TOM1L1: variants seen among roughly 807,000 people sequenced by gnomAD.
TOM1L1 encodes target of myb1 like 1 membrane trafficking protein.
A neutral mutation model predicts 63.4 loss-of-function variants in TOM1L1; 64 were observed. The observed-to-expected ratio is 1.01, with a 90% CI of 0.83 to 1.24. The LOEUF is 1.24. Ranked by LOEUF, TOM1L1 falls within the 50% of genes most tolerant of loss-of-function variation. The pLI is 0.00. For synonymous variants in TOM1L1, 166 were observed against 194.4 expected, an observed-to-expected ratio of 0.85 and a Z score of 1.22; for missense variants, 536 against 567.0, an observed-to-expected ratio of 0.95 and a Z score of 0.55.
intron 11 of TOM1L1, among the ~76,000 whole-genome samples, chr17:54,940,468 A>G (rs916959115): frequency 1.3e-5 from 2 of 152,214 alleles, no homozygotes; most frequent in African/African-American, 4.8e-5. Context: ...TGAATCTGCA[A>G]TCTTATCTGT....
chr17:54,909,220 G>A (rs919135272), intron 3 of TOM1L1, among the ~76,000 whole-genome samples: 7 of 152,164 alleles, frequency 4.6e-5, no homozygotes, highest in Admixed American at 6.5e-5. Context: ...GATTGTGCCA[G>A]TGCACTCCAG....
chr17:54,939,827 T>A (rs2049008260), intron 11 of TOM1L1, among the ~76,000 whole-genome samples: 1 of 152,140 alleles, frequency 6.6e-6, no homozygotes. Context: ...CCTCCTAAAG[T>A]GAGCCACTGC....
chr17:54,928,860 T>C (rs2048811519), intron 7 of TOM1L1, among the ~76,000 whole-genome samples: 1 of 152,226 alleles, frequency 6.6e-6, no homozygotes, highest in African/African-American at 2.4e-5. Context: ...TTTTTTGTTA[T>C]GATTTTTTAG....
chr17:54,915,941 A>T, intron 7 of TOM1L1, 79 bp downstream of exon 7: 1 of 1,037,020 alleles, frequency 9.6e-7, no homozygotes, highest in Non-Finnish European at 1.5e-6. Flanking sequence ...GAGATGGAAG[A>T]CACCTTAATA....
chr17:54,925,765 G>A (rs972299989), intron 7 of TOM1L1, among the ~76,000 whole-genome samples: 1 of 152,114 alleles, frequency 6.6e-6, no homozygotes, highest in Non-Finnish European at 1.5e-5. Context: ...TCAGCTGGGC[G>A]TGGTGGCACG....
chr17:54,947,374 G>A, intron 12 of TOM1L1, 62 bp downstream of exon 12: 3 of 1,531,702 alleles, frequency 2.0e-6, no homozygotes, highest in Non-Finnish European at 2.7e-6. Flanking sequence ...AGCCAGAAAA[G>A]AACTCATGGT....
At chr17:54,905,758 TA>T (rs2143732169) in intron 3 of TOM1L1, among the ~76,000 whole-genome samples, 191 bp downstream of exon 3, 1 of 152,330 alleles carries the variant, frequency 6.6e-6, no homozygotes, top group South Asian at 2.1e-4. Flanking sequence ...TTGTTTATAA[TA>T]GCATTTAATA....
At chr17:54,901,004 G>A (rs1374087838) in intron 1 of TOM1L1, 81 bp downstream of exon 1, 2 of 1,594,154 alleles carry the variant, frequency 1.3e-6, no homozygotes, top group Non-Finnish European at 1.7e-6. Context: ...TCGGCCTGCA[G>A]AGGACGGAGT....
chr17:54,914,951 C>T (rs546808058), intron 6 of TOM1L1, among the ~76,000 whole-genome samples: 7 of 152,320 alleles, frequency 4.6e-5, no homozygotes, highest in Admixed American at 2.0e-4. Flanking sequence ...GCTTCCAAAG[C>T]CCAACTTTGT....
At chr17:54,949,749 G>A in intron 13 of TOM1L1, 126 bp downstream of exon 13, 1 of 841,812 alleles carries the variant, frequency 1.2e-6, no homozygotes, top group Admixed American at 2.3e-5. Flanking sequence ...TTAAGCTAAT[G>A]AAACAAATTC....
At chr17:54,913,721 G>T in intron 4 of TOM1L1, 27 bp from the exon 5 acceptor site, 1 of 1,574,904 alleles carries the variant, frequency 6.3e-7, no homozygotes, top group Admixed American at 1.8e-5. Context: ...TTTTAACTCT[G>T]GAACTTTTTT....
intron 14 of TOM1L1, among the ~76,000 whole-genome samples, chr17:54,956,133 C>T (rs2049489581): frequency 6.6e-6 from 1 of 152,188 alleles, no homozygotes; most frequent in Non-Finnish European, 1.5e-5. Flanking sequence ...GACAACTCTC[C>T]ATGAGAACAC....
rs2049423888 is a variant in TOM1L1, at chr17:54,955,049, C to T, written c.1370+4923C>T. ...GAGGCACCCTAACAAGCTCTCCTTC[C>T]AAGACCTAGTTCACGACATTCTACG... On this transcript the variant is annotated intron_variant, in intron 14 of 15. Transcript: ENST00000575882. The T allele has an allele frequency of 2.0e-5, 3 of 152,116 alleles. No individual in the cohort carries two copies. The South Asian group carries it at 6.2e-4, about 32-fold the overall frequency. 9.4% of individuals were successfully genotyped at this position (152,116 alleles called of 1,614,324 possible).
At chr17:54,918,057 T>A (rs911402156) in intron 7 of TOM1L1, among the ~76,000 whole-genome samples, 1 of 152,204 alleles carries the variant, frequency 6.6e-6, no homozygotes, top group African/African-American at 2.4e-5. Flanking sequence ...ACCAATCTGT[T>A]AGAGCCCCTT....
At chr17:54,930,945 T>G (rs573382970) in intron 8 of TOM1L1, among the ~76,000 whole-genome samples, 1 of 152,008 alleles carries the variant, frequency 6.6e-6, no homozygotes, top group African/African-American at 2.4e-5. Flanking sequence ...GAGGCTGAGG[T>G]GGGAGGATAG....
At chr17:54,925,829 G>A (rs1439149154) in intron 7 of TOM1L1, among the ~76,000 whole-genome samples, 11 of 152,004 alleles carry the variant, frequency 7.2e-5, no homozygotes, top group East Asian at 1.9e-4. Context: ...GCTTGAACCC[G>A]GGAGGCAAAG....
chr17:54,921,866 C>A (rs2048689542), intron 7 of TOM1L1, among the ~76,000 whole-genome samples: 1 of 152,210 alleles, frequency 6.6e-6, no homozygotes, highest in African/African-American at 2.4e-5. Flanking sequence ...TTTCCCAAAA[C>A]TTAGCTACTA....
At chr17:54,930,313 C>A in intron 8 of TOM1L1, 107 bp downstream of exon 8, 1 of 1,485,502 alleles carries the variant, frequency 6.7e-7, no homozygotes, top group Non-Finnish European at 9.2e-7. Flanking sequence ...TTTCTAGATT[C>A]TCCATTCTCA....
chr17:54,909,595 G>A (rs2048465360), intron 3 of TOM1L1, among the ~76,000 whole-genome samples: 1 of 152,194 alleles, frequency 6.6e-6, no homozygotes, highest in Admixed American at 6.5e-5. Flanking sequence ...GCCATGTATT[G>A]AGGTCCTGCT....
Sources: gnomAD v4.1 joint callset for allele counts (sites outside exome capture counted in the v4.1 genomes callset) on GRCh38, gnomAD v4.1.1 for gene constraint, MANE v1.5 for transcripts, NCBI Gene and HGNC (gene_info 2026-07-23, HGNC 2026-07-21) for gene names.